The following CD33 variants were observed in gnomAD, a reference collection of about 807,000 sequenced individuals.
CD33 encodes the protein CD33 molecule, also known as myeloid cell surface antigen CD33.
A neutral mutation model predicts 31.4 loss-of-function variants in CD33; 25 were observed. The ratio of observed to expected loss-of-function variants is 0.80; its 90% CI spans 0.58 to 1.11. The LOEUF (loss-of-function observed/expected upper bound fraction) is 1.11. Among genes scored for constraint, CD33 ranks in the 50% most tolerant of loss-of-function variants. The pLI, the probability that CD33 is intolerant of heterozygous loss-of-function variation, is 0.00. For missense variants in CD33, 407 were observed against 448.1 expected (o/e 0.91, Z 0.83); for synonymous variants, 176 against 180.6 (o/e 0.97, Z 0.20).
the CD33 span, among the ~76,000 whole-genome samples, chr19:51,216,111 A>G: frequency 6.6e-6 from 1 of 151,980 alleles, no homozygotes; most frequent in African/African-American, 2.4e-5. Context: ...CAAGCCCTCT[A>G]TGACTCTGAG....
At chr19:51,231,007 T>A (rs1419225301) in intron 4 of CD33, among the ~76,000 whole-genome samples, 1 of 152,186 alleles carries the variant, frequency 6.6e-6, no homozygotes, top group Admixed American at 6.5e-5. Context: ...ATAAAACCCC[T>A]CATAGCCTCT....
chr19:51,219,154 G>C, the CD33 span, among the ~76,000 whole-genome samples: 1 of 152,106 alleles, frequency 6.6e-6, no homozygotes, highest in Non-Finnish European at 1.5e-5. Flanking sequence ...TGATCCATGA[G>C]CACGGGATGC....
At chr19:51,211,202 C>T in the CD33 span, 5 of 1,577,212 alleles carry the variant, frequency 3.2e-6, no homozygotes, top group Non-Finnish European at 3.4e-6. Flanking sequence ...CCTCGTTTCC[C>T]CACAGGGGCC....
intron 4 of CD33, among the ~76,000 whole-genome samples, chr19:51,232,100 T>C (rs755672599): frequency 3.9e-5 from 6 of 152,240 alleles, no homozygotes; most frequent in Non-Finnish European, 8.8e-5. Flanking sequence ...CTAAGAGTGA[T>C]TAGAATTCCC....
chr19:51,216,159 C>CCCT, the CD33 span, among the ~76,000 whole-genome samples: 1 of 151,932 alleles, frequency 6.6e-6, no homozygotes. Flanking sequence ...AAATGCCCTT[C>CCCT]CCTCCCATTC....
At chr19:51,216,747 G>A in the CD33 span, among the ~76,000 whole-genome samples, 2 of 152,088 alleles carry the variant, frequency 1.3e-5, no homozygotes. Flanking sequence ...AACTATATAG[G>A]ATGGCAATAT....
At chr19:51,224,129 A>T (rs1200406190), upstream of CD33, among the ~76,000 whole-genome samples, 1 of 152,202 alleles carries the variant, frequency 6.6e-6, no homozygotes, top group Non-Finnish European at 1.5e-5. Flanking sequence ...ACACTCTCTT[A>T]CAGACTAAGA....
intron 2 of CD33, 63 bp downstream of exon 2, chr19:51,225,661 G>T: frequency 6.5e-7 from 1 of 1,534,500 alleles, no homozygotes; most frequent in South Asian, 1.3e-5. Flanking sequence ...GGCAGGGCTG[G>T]GATGGGACCC....
chr19:51,239,910 C>T lies in CD33; in HGVS notation c.*222C>T, dbSNP rs1376352193. On this transcript the variant is annotated 3_prime_UTR_variant, in exon 7 of 7. Transcript: ENST00000262262. ...CTAAGTGTATGATGTCACACAAGCT[C>T]CTTAACCTTCCATGTCTCCATTTTC... 5.2e-6 allele frequency: 2 copies of T among 382,618 alleles called. No individual in the cohort carries two copies. The highest frequency in any genetic ancestry group is 4.3e-5 in the East Asian group (1 of 23,128). 23.7% of individuals were successfully genotyped at this position (382,618 alleles called of 1,614,324 possible).
At position 51,226,096 on chromosome 19, in the gene CD33, A is replaced by G. The variant is rs762719807; in HGVS notation, c.697+15A>G. On this transcript the variant is annotated intron_variant, in intron 3 of 6. Transcript: ENST00000262262. The stretch of plus-strand genomic sequence containing the variant: ...CAACGTCACCTGTAAGTGCTGGGCC[A>G]GGATGCTGGGGTCCCTGAGGGTGTA... 1 of 1,612,488 alleles carries G rather than the reference A, an allele frequency of 6.2e-7. No individual in the cohort carries two copies.
chr19:51,232,597 T>A (rs987369735), intron 4 of CD33, among the ~76,000 whole-genome samples: 1 of 152,234 alleles, frequency 6.6e-6, no homozygotes, highest in African/African-American at 2.4e-5. Context: ...TCTATTTTAT[T>A]CTCTTATTTT....
intron 5 of CD33, 73 bp downstream of exon 5, chr19:51,235,326 G>C: frequency 1.4e-6 from 2 of 1,406,190 alleles, no homozygotes; most frequent in Non-Finnish European, 2.0e-6. Context: ...GGTCCTGGAG[G>C]GGCTGTGAGG....
chr19:51,237,394 T>C (rs144897830), intron 6 of CD33: 51 of 152,288 alleles, frequency 3.3e-4, no homozygotes, highest in African/African-American at 1.2e-3. Context: ...AATGAACAAA[T>C]AAGCAGTGCA....
the CD33 span, among the ~76,000 whole-genome samples, chr19:51,216,220 CCG>C: frequency 2.4e-3 from 194 of 81,480 alleles, 1 homozygote; most frequent in African/African-American, 8.6e-3. Flanking sequence ...TAAATGTCAC[CCG>C]AGTGTGTGTG....
intron 4 of CD33, among the ~76,000 whole-genome samples, chr19:51,233,902 A>G (rs1981596897): frequency 6.6e-6 from 1 of 152,046 alleles, no homozygotes; most frequent in African/African-American, 2.4e-5. Flanking sequence ...TTGCTGCACT[A>G]CACTACTCTC....
At chr19:51,234,212 T>C (rs73932888) in intron 4 of CD33, among the ~76,000 whole-genome samples, 6,362 of 152,156 alleles carry the variant, frequency 0.042, 236 homozygotes, top group African/African-American at 0.1. Flanking sequence ...TTACACATAG[T>C]TTCCCCGGCC....
At chr19:51,235,991 T>C (rs1981773181) in intron 6 of CD33, 1 of 612,316 alleles carries the variant, frequency 1.6e-6, no homozygotes. Flanking sequence ...ACCCCGTCTC[T>C]ACTAAAAATA....
upstream of CD33, among the ~76,000 whole-genome samples, chr19:51,223,410 A>C (rs1262427960): frequency 6.6e-6 from 1 of 152,128 alleles, no homozygotes; most frequent in Non-Finnish European, 1.5e-5. Flanking sequence ...GATTTGACAA[A>C]GGTATGGTGG....
chr19:51,222,049 T>C (rs1980710361), upstream of CD33, among the ~76,000 whole-genome samples: 1 of 152,234 alleles, frequency 6.6e-6, no homozygotes, highest in Non-Finnish European at 1.5e-5. Flanking sequence ...AAGGAACGTT[T>C]GGTTAATGAC....
Sources: gnomAD v4.1 joint callset for allele counts (sites outside exome capture counted in the v4.1 genomes callset) on GRCh38, gnomAD v4.1.1 for gene constraint, MANE v1.5 for transcripts, NCBI Gene and HGNC (gene_info 2026-07-23, HGNC 2026-07-21) for gene names.